ZNF718: variants seen among roughly 807,000 people sequenced by gnomAD.
ZNF718 encodes zinc finger protein 718.
Under a neutral mutation model 2.6 loss-of-function variants are expected in ZNF718, and 3 were observed. The observed-to-expected ratio is 1.16, with a 90% CI of 0.53 to 3.01. The LOEUF (loss-of-function observed/expected upper bound fraction) is 3.01. Among genes scored for constraint, ZNF718 ranks in the 30% most tolerant of loss-of-function variants. The pLI is 0.03. For missense variants in ZNF718, 468 were observed against 230.0 expected, an observed-to-expected ratio of 2.03 and a Z score of -6.69; for synonymous variants, 135 against 77.9, an observed-to-expected ratio of 1.73 and a Z score of -3.86.
chr4:197,433 A>G (rs1353140290), intron 3 of ZNF718, among the ~76,000 whole-genome samples: 2 of 152,168 alleles, frequency 1.3e-5, no homozygotes, highest in African/African-American at 4.8e-5. Context: ...CTGTCACTAA[A>G]TCACATGTAG....
chr4:124,813 C>T, intron 1 of ZNF718, 140 bp downstream of exon 1: 1 of 1,149,210 alleles, frequency 8.7e-7, no homozygotes, highest in Non-Finnish European at 1.2e-6. Flanking sequence ...GGGACCCGCG[C>T]TCTTGTCAGT....
At chr4:126,227 C>T (rs1715214044) in intron 1 of ZNF718, among the ~76,000 whole-genome samples, 2 of 152,230 alleles carry the variant, frequency 1.3e-5, no homozygotes, top group African/African-American at 2.4e-5. Context: ...TGCCTTAGAC[C>T]TGGCTGTTGT....
intron 3 of ZNF718, among the ~76,000 whole-genome samples, chr4:148,012 G>A (rs1280594342): frequency 6.6e-6 from 1 of 152,176 alleles, no homozygotes; most frequent in African/African-American, 2.4e-5. Flanking sequence ...GTTGGTCCTT[G>A]ATCACAGCTG....
intron 3 of ZNF718, among the ~76,000 whole-genome samples, chr4:146,077 CTA>C (rs5742061): frequency 0.57 from 81,826 of 142,794 alleles, 23,146 homozygotes; most frequent in East Asian, 0.78. Context: ...ATATAGCCTT[CTA>C]TATATATATA....
intron 3 of ZNF718, among the ~76,000 whole-genome samples, chr4:182,473 G>A (rs1231893107): frequency 7.9e-5 from 12 of 151,662 alleles, no homozygotes; most frequent in Admixed American, 7.9e-4. Context: ...TCATTCTGTT[G>A]CCAAGGCTGG....
chr4:193,436 T>G (rs1717731576), intron 3 of ZNF718, among the ~76,000 whole-genome samples: 2 of 152,196 alleles, frequency 1.3e-5, no homozygotes, highest in South Asian at 4.1e-4. Flanking sequence ...ACTTACAGTC[T>G]GTATATAGAT....
intron 3 of ZNF718, among the ~76,000 whole-genome samples, chr4:135,806 G>C (rs10005847): frequency 0.04 from 5,018 of 125,188 alleles, 228 homozygotes; most frequent in African/African-American, 0.12. Flanking sequence ...GGAGAGCTTC[G>C]TTTTCCTTTT....
At chr4:171,779 C>G (rs1717240001) in intron 3 of ZNF718, among the ~76,000 whole-genome samples, 1 of 152,202 alleles carries the variant, frequency 6.6e-6, no homozygotes, top group Non-Finnish European at 1.5e-5. Flanking sequence ...ATTCCCTGAC[C>G]CGTTGTGCTT....
chr4:130,756 A>G, intron 1 of ZNF718, 32 bp from the exon 2 acceptor site: 1 of 313,722 alleles, frequency 3.2e-6, no homozygotes, highest in Non-Finnish European at 5.7e-6. Flanking sequence ...AAAAAAAAAG[A>G]ATTCTGTCAC....
chr4:191,815 C>T (rs953803298), intron 3 of ZNF718, among the ~76,000 whole-genome samples: 4 of 152,072 alleles, frequency 2.6e-5, no homozygotes, highest in Non-Finnish European at 5.9e-5. Context: ...CAGGCTGCTC[C>T]CAAGATGGGG....
At chr4:192,927 G>C (rs1056083863) in intron 3 of ZNF718, among the ~76,000 whole-genome samples, 1 of 152,138 alleles carries the variant, frequency 6.6e-6, no homozygotes, top group Non-Finnish European at 1.5e-5. Flanking sequence ...AAAAGGCCTG[G>C]TCCAGTAAAT....
chr4:175,027 C>A lies in ZNF718; in HGVS notation c.227-26054C>A, dbSNP rs533387361. 3.2e-3 allele frequency among the ~76,000 whole-genome samples: 490 copies of A among 152,272 alleles called. 1 individual carries two copies. The highest frequency in any genetic ancestry group is 0.01 in the Middle Eastern group (3 of 294). ...TGGCATTTTGCAGATCAGAACAGCC[C>A]CTCAATTACATCTATGCCTTAGTTT... On this transcript the variant is annotated intron_variant and NMD_transcript_variant, in intron 3 of 4. Transcript: ENST00000642529.
At chr4:185,089 T>C (rs1553820315) in intron 3 of ZNF718, among the ~76,000 whole-genome samples, 1 of 152,190 alleles carries the variant, frequency 6.6e-6, no homozygotes, top group African/African-American at 2.4e-5. Context: ...TTAGTTGTAA[T>C]GTTAGGTTGA....
intron 3 of ZNF718, among the ~76,000 whole-genome samples, chr4:152,035 G>T (rs1434666737): frequency 4.1e-5 from 6 of 147,226 alleles, no homozygotes; most frequent in Admixed American, 6.8e-5. Context: ...ACAATGTAAA[G>T]GATTAAGTGC....
intron 3 of ZNF718, among the ~76,000 whole-genome samples, chr4:147,920 T>C (rs1716139390): frequency 6.6e-6 from 1 of 152,132 alleles, no homozygotes; most frequent in African/African-American, 2.4e-5. Context: ...AGTAATGTTA[T>C]CTGGTGTGAC....
chr4:124,514 A>G lies in ZNF718; in HGVS notation c.-157A>G. On this transcript the variant is annotated 5_prime_UTR_variant, in exon 1 of 4. Coordinates refer to ENST00000510175, the MANE Select transcript of ZNF718 (RefSeq NM_001039127.6). ...GGGATCTGGCGCGGCTTTTGCTTGT[A>G]GCTCCAGCCAGAGCTCGGTTAGGGC... 9.6e-7 allele frequency: 1 copy of G among 1,038,066 alleles called. No individual in the cohort carries two copies. The highest frequency in any genetic ancestry group is 1.5e-6 in the Non-Finnish European group (1 of 686,306). The allele number at this position is 1,038,066 out of a possible 1,614,324, so 64.3% of individuals were successfully genotyped here. A position where few individuals can be genotyped will look rare whatever the true frequency, so the allele number is the denominator to read the frequency against.
chr4:150,995 T>A (rs1243337203), intron 3 of ZNF718, among the ~76,000 whole-genome samples: 1 of 152,206 alleles, frequency 6.6e-6, no homozygotes, highest in Non-Finnish European at 1.5e-5. Context: ...TGTTATCCTG[T>A]GATACTTTTT....
intron 3 of ZNF718, among the ~76,000 whole-genome samples, chr4:159,134 T>G (rs1410887461): frequency 2.0e-5 from 3 of 151,808 alleles, no homozygotes; most frequent in African/African-American, 7.3e-5. Context: ...CCTCCTGGGT[T>G]CAAGCAATTC....
intron 3 of ZNF718, chr4:150,230 A>C (rs1352608217): frequency 1.3e-5 from 2 of 152,180 alleles, no homozygotes; most frequent in African/African-American, 4.8e-5. Context: ...ACATTTTAAA[A>C]ATCCGATACT....
Sources: allele counts gnomAD v4.1 joint callset (sites outside exome capture counted in the v4.1 genomes callset), GRCh38; gene constraint gnomAD v4.1.1; transcripts MANE v1.5; gene names NCBI Gene and HGNC (gene_info 2026-07-23, HGNC 2026-07-21).